The following FSTL5 variants were observed in gnomAD, a reference collection of about 807,000 sequenced individuals.
The protein encoded by FSTL5 is follistatin-related protein 5.
Under a neutral mutation model 89.1 loss-of-function variants are expected in FSTL5, and 62 were observed. The ratio of observed to expected loss-of-function variants is 0.70; its 90% CI spans 0.57 to 0.86. The LOEUF is 0.86. Among genes scored for constraint, FSTL5 ranks in the 40% least tolerant of loss-of-function variants. The pLI is 0.00. For synonymous variants in FSTL5, 383 were observed against 346.2 expected (o/e 1.11, Z -1.18); for missense variants, 1,057 against 1,001.6 (o/e 1.06, Z -0.75).
At chr4:161,879,618 C>CA in intron 4 of FSTL5, among the ~76,000 whole-genome samples, 1 of 152,312 alleles carries the variant, frequency 6.6e-6, no homozygotes, top group Non-Finnish European at 1.5e-5. Context: ...AGTTATTCTC[C>CA]AAATACATCC....
intron 4 of FSTL5, among the ~76,000 whole-genome samples, chr4:161,914,045 G>A (rs1015652513): frequency 1.9e-4 from 29 of 152,080 alleles, no homozygotes; most frequent in Admixed American, 1.1e-3. Flanking sequence ...GAGGGACCAG[G>A]GGTGGAATGA....
chr4:162,081,109 T>C (rs933642576), intron 2 of FSTL5, among the ~76,000 whole-genome samples: 4 of 151,804 alleles, frequency 2.6e-5, no homozygotes, highest in Admixed American at 2.0e-4. Context: ...TAAACTCTAC[T>C]TTAGGAAGTA....
intron 4 of FSTL5, among the ~76,000 whole-genome samples, chr4:161,810,670 G>A (rs560220097): frequency 3.9e-5 from 6 of 152,272 alleles, no homozygotes; most frequent in Non-Finnish European, 7.4e-5. Flanking sequence ...TAAAGTCTCA[G>A]TGAGAAAGAC....
intron 2 of FSTL5, among the ~76,000 whole-genome samples, chr4:162,083,929 G>A (rs1216752569): frequency 6.6e-6 from 1 of 151,696 alleles, no homozygotes; most frequent in Non-Finnish European, 1.5e-5. Flanking sequence ...TTTGATGTGA[G>A]AACAAGTTAA....
At chr4:161,474,858 G>A (rs931909305) in intron 13 of FSTL5, among the ~76,000 whole-genome samples, 1 of 151,816 alleles carries the variant, frequency 6.6e-6, no homozygotes, top group Non-Finnish European at 1.5e-5. Context: ...GTAGTGTTTT[G>A]GTTTATTCAT....
chr4:161,820,943 C>CA (rs33975990), intron 4 of FSTL5, among the ~76,000 whole-genome samples: 1,607 of 138,916 alleles, frequency 0.012, 23 homozygotes, highest in East Asian at 0.056. Flanking sequence ...ATTGGTTGTC[C>CA]AAAAAAAAAA....
At chr4:161,830,970 C>T (rs1189593181) in intron 4 of FSTL5, among the ~76,000 whole-genome samples, 1 of 151,866 alleles carries the variant, frequency 6.6e-6, no homozygotes, top group Non-Finnish European at 1.5e-5. Flanking sequence ...TGATATTTAG[C>T]TATGATACTT....
intron 1 of FSTL5, among the ~76,000 whole-genome samples, chr4:162,153,742 A>AATAATATATATGTATATT (rs1733347164): frequency 2.7e-5 from 3 of 111,034 alleles, no homozygotes; most frequent in Non-Finnish European, 5.6e-5. Context: ...ATATGTATAT[A>AATAATATATATGTATATT]ATAATATACA....
chr4:161,759,801 C>T (rs2126789710), intron 5 of FSTL5, among the ~76,000 whole-genome samples: 1 of 152,116 alleles, frequency 6.6e-6, no homozygotes, highest in African/African-American at 2.4e-5. Flanking sequence ...CAAATCTGAA[C>T]ATTTAAAGAA....
In FSTL5 at chr4:161,481,029, T is replaced by A; in HGVS notation, c.1599A>T (p.Lys533Asn). 1 of 1,608,868 alleles carries A rather than the reference T, an allele frequency of 6.2e-7. No homozygotes were observed. Among genetic ancestry groups the A allele is most frequent in the Non-Finnish European group, 8.5e-7 (1 of 1,177,472 alleles). ...RVLIVDVQSQKVVQAVSTDPV... is the reference protein window; with the variant it reads ...RVLIVDVQSQNVVQAVSTDPV... ...TAGTAATTATTCATACCTGAACAAC[T>A]TTTTGGGACTGCACATCAACAATAA... is the stretch of plus-strand genomic sequence containing the variant. The change falls in exon 13 of 16, where the codon AAA (lysine) becomes AAT (asparagine). Residue 533 changes from lysine to asparagine, a missense_variant. Transcript: ENST00000306100.
chr4:162,096,372 TTA>T (rs202199363), intron 2 of FSTL5, among the ~76,000 whole-genome samples: 5,568 of 151,518 alleles, frequency 0.037, 170 homozygotes, highest in Non-Finnish European at 0.05. Flanking sequence ...CCAACAAAAT[TTA>T]TGTCACAATA....
intron 4 of FSTL5, among the ~76,000 whole-genome samples, chr4:161,874,636 G>C (rs1432110860): frequency 1.9e-5 from 2 of 105,832 alleles, no homozygotes; most frequent in African/African-American, 6.9e-5. Context: ...CCATCTCTTT[G>C]TCTGTGCTAC....
At position 162,163,729 on chromosome 4, in the gene FSTL5, T is replaced by G. The variant is rs1373421094; in HGVS notation, c.-131A>C. On this transcript the variant is annotated 5_prime_UTR_variant, in exon 1 of 16. Transcript: ENST00000306100. ...ATCGTCTTAGCTGGGGAAAAAAAAA[T>G]AGTTTGGTCTAAAACTATAGAAATC... 1 of 146,236 alleles carries G rather than the reference T, an allele frequency of 6.8e-6. No individual in the cohort carries two copies. The highest frequency in any genetic ancestry group is 2.5e-5 in the African/African-American group (1 of 39,772). The allele number at this position is 146,236 out of a possible 1,614,324, so 9.1% of individuals were successfully genotyped here.
intron 6 of FSTL5, among the ~76,000 whole-genome samples, chr4:161,731,355 A>G (rs1021556467): frequency 1.2e-4 from 18 of 151,786 alleles, no homozygotes; most frequent in African/African-American, 4.1e-4. Context: ...TGTAATCCCC[A>G]TGTGTTGGGC....
chr4:161,685,763 T>A (rs1737688985), intron 6 of FSTL5, among the ~76,000 whole-genome samples: 1 of 152,164 alleles, frequency 6.6e-6, no homozygotes, highest in Non-Finnish European at 1.5e-5. Context: ...CTTTCTCTTA[T>A]CTGATTACCA....
At chr4:162,017,595 C>T (rs1000242032) in intron 3 of FSTL5, among the ~76,000 whole-genome samples, 4 of 152,120 alleles carry the variant, frequency 2.6e-5, no homozygotes, top group African/African-American at 9.7e-5. Context: ...AACTGGAAGG[C>T]ATATCATTTT....
chr4:161,590,150 A>G (rs548008035), intron 7 of FSTL5, among the ~76,000 whole-genome samples: 87 of 152,326 alleles, frequency 5.7e-4, no homozygotes, highest in Admixed American at 1.6e-3. Flanking sequence ...GAAAGTAAAG[A>G]GATACCCTAT....
At chr4:161,937,085 A>G in intron 3 of FSTL5, among the ~76,000 whole-genome samples, 1 of 152,168 alleles carries the variant, frequency 6.6e-6, no homozygotes, top group East Asian at 1.9e-4. Context: ...AGATAAGACC[A>G]AAATAAACAA....
At chr4:161,997,538 T>G (rs867504808) in intron 3 of FSTL5, among the ~76,000 whole-genome samples, 31 of 151,796 alleles carry the variant, frequency 2.0e-4, no homozygotes, top group Admixed American at 2.6e-4. Flanking sequence ...TACACCTTAC[T>G]ACAAATGACA....
Sources: gnomAD v4.1 joint callset for allele counts (sites outside exome capture counted in the v4.1 genomes callset) on GRCh38, gnomAD v4.1.1 for gene constraint, MANE v1.5 for transcripts, NCBI Gene and HGNC (gene_info 2026-07-23, HGNC 2026-07-21) for gene names.